Variants in XPO6 observed in about 807,000 individuals in gnomAD.
The protein encoded by XPO6 is exportin-6.
Under a neutral mutation model 130.0 loss-of-function variants are expected in XPO6, and 3 were observed. That is an observed-to-expected ratio of 0.02 (90% CI 0.01 to 0.06). The LOEUF (loss-of-function observed/expected upper bound fraction) is 0.06. Ranked by LOEUF, XPO6 falls within the 10% of genes least tolerant of loss-of-function variation. XPO6 has a pLI of 1.00. For missense variants in XPO6, 970 were observed against 1,393.0 expected (o/e 0.70, Z 4.83); for synonymous variants, 524 against 548.9 (o/e 0.95, Z 0.63).
chr16:28,160,964 A>G (rs955713523), intron 6 of XPO6, among the ~76,000 whole-genome samples: 5 of 152,210 alleles, frequency 3.3e-5, no homozygotes, highest in African/African-American at 9.6e-5. Context: ...TGGCTGGTTT[A>G]AAAGATAACT....
chr16:28,132,251 G>T lies in XPO6; in HGVS notation c.1606+83C>A. The T allele has an allele frequency of 9.4e-7, 1 of 1,067,026 alleles. No homozygotes were observed. Among genetic ancestry groups the T allele is most frequent in the South Asian group, 1.4e-5 (1 of 69,942 alleles). The allele number at this position is 1,067,026 out of a possible 1,614,324, so 66.1% of individuals were successfully genotyped here. ...GGCTGCAGTGAAGAAATCATGTTCCGACAGCAACGGCAGCAGTAATGAAAT... is the reference window on the plus strand; with the variant it reads ...GGCTGCAGTGAAGAAATCATGTTCCTACAGCAACGGCAGCAGTAATGAAAT... On this transcript the variant is annotated intron_variant, in intron 12 of 23. Transcript: ENST00000304658. The surrounding 1 kb of genome is among the most constrained non-coding windows in gnomAD (Gnocchi z 4.0).
intron 4 of XPO6, among the ~76,000 whole-genome samples, chr16:28,175,018 A>T (rs1394071069): frequency 6.6e-6 from 1 of 152,190 alleles, no homozygotes; most frequent in Admixed American, 6.5e-5. Flanking sequence ...GAAGGAACAC[A>T]CAAATTTTAA....
chr16:28,150,235 G>C (rs908743033), intron 8 of XPO6, among the ~76,000 whole-genome samples: 10 of 152,308 alleles, frequency 6.6e-5, no homozygotes, highest in African/African-American at 2.4e-4. Context: ...CCTCATACAG[G>C]AGACAGGAGA....
chr16:28,130,445 G>A (rs899385706), intron 12 of XPO6, among the ~76,000 whole-genome samples: 1 of 152,216 alleles, frequency 6.6e-6, no homozygotes, highest in Non-Finnish European at 1.5e-5. Flanking sequence ...GTTATTTGAG[G>A]GGGTAAATGG....
At chr16:28,108,403 G>GCCATGGCACATAGTCTATGTGCC (rs2141241330) in intron 17 of XPO6, among the ~76,000 whole-genome samples, 1 of 152,306 alleles carries the variant, frequency 6.6e-6, no homozygotes, top group South Asian at 2.1e-4. Context: ...GTGACCATCT[G>GCCATGGCACATAGTCTATGTGCC]AAGGCTATGT....
intron 9 of XPO6, among the ~76,000 whole-genome samples, chr16:28,145,130 T>G (rs1275052491): frequency 6.6e-6 from 1 of 152,148 alleles, no homozygotes; most frequent in African/African-American, 2.4e-5. Context: ...AATATACAAA[T>G]TACACGAATC....
intron 6 of XPO6, among the ~76,000 whole-genome samples, chr16:28,162,998 A>G (rs1320954995): frequency 3.3e-5 from 5 of 152,126 alleles, no homozygotes; most frequent in Non-Finnish European, 7.4e-5. Flanking sequence ...TCTGCTGTGT[A>G]CCGCGGGGTG....
At chr16:28,130,724 G>C (rs1371869574) in intron 12 of XPO6, among the ~76,000 whole-genome samples, 7 of 152,178 alleles carry the variant, frequency 4.6e-5, no homozygotes, top group Non-Finnish European at 8.8e-5. Context: ...TTTAGTGAAA[G>C]CAAGTATGCG....
At chr16:28,107,208 A>C (rs1272206531) in intron 18 of XPO6, among the ~76,000 whole-genome samples, 1 of 152,232 alleles carries the variant, frequency 6.6e-6, no homozygotes, top group Non-Finnish European at 1.5e-5. Flanking sequence ...TGACAGTGAC[A>C]GACAAGGGTG....
intron 17 of XPO6, among the ~76,000 whole-genome samples, chr16:28,110,953 T>C (rs1410843815): frequency 6.6e-6 from 1 of 152,238 alleles, no homozygotes. Flanking sequence ...ATGAAGCATA[T>C]TTTAAAATAG....
At position 28,121,660 on chromosome 16, in the gene XPO6, C is replaced by CT. The variant is rs1567603341; in HGVS notation, c.1859+9dup. 1 of 1,594,112 alleles carries CT rather than the reference C, an allele frequency of 6.3e-7. No homozygotes were observed. Among genetic ancestry groups the CT allele is most frequent in the South Asian group, 1.1e-5 (1 of 90,644 alleles). ...CCTAAAAATGCACAAACATCAAACT[C>CT]TAGACTTACACATCAATGAGGTCAG... On this transcript the variant is annotated intron_variant, in intron 14 of 23. Transcript: ENST00000304658.
rs76272164 is a variant in XPO6 at position 28,111,007 on chromosome 16, C to T, written c.2341+810G>A. ...GAAGCATGGTTAAAATGGTTACTTT[C>T]TAAAATATTAAAACTGGTCAGATTT... On this transcript the variant is annotated intron_variant, in intron 17 of 23. Coordinates refer to ENST00000304658, the MANE Select transcript of XPO6 (RefSeq NM_015171.4). Among the ~76,000 whole-genome samples, 88 of 152,254 alleles carry T rather than the reference C, an allele frequency of 5.8e-4. 1 individual carries two copies. The East Asian group carries it at 0.016, about 28-fold the overall frequency.
intron 10 of XPO6, among the ~76,000 whole-genome samples, chr16:28,134,296 GA>G (rs2042732648): frequency 6.6e-6 from 1 of 152,208 alleles, no homozygotes; most frequent in African/African-American, 2.4e-5. Flanking sequence ...GTGCCACTCA[GA>G]ATGGGGTCCA....
At chr16:28,194,239 G>A (rs1354586620) in intron 1 of XPO6, among the ~76,000 whole-genome samples, 2 of 151,512 alleles carry the variant, frequency 1.3e-5, no homozygotes, top group African/African-American at 2.4e-5. Context: ...TAAAAAAAAA[G>A]GAACAAAATA....
In XPO6 at chr16:28,133,838, T is replaced by C; in HGVS notation, c.1536+3A>G. Reference sequence around the variant, plus strand: ...CTCTCCACTCCCCCGGACAGCACATTACCAGTGTGGAGAAGGCGTGCGTGG... The same window carrying C: ...CTCTCCACTCCCCCGGACAGCACATCACCAGTGTGGAGAAGGCGTGCGTGG... On this transcript the variant is annotated splice_donor_region_variant and intron_variant, in intron 11 of 23. Transcript: ENST00000304658. 1 of 1,613,940 alleles carries C rather than the reference T, an allele frequency of 6.2e-7. No individual in the cohort carries two copies. Among genetic ancestry groups the C allele is most frequent in the Middle Eastern group, 1.7e-4 (1 of 6,060 alleles).
At chr16:28,147,077 A>G (rs1430630739) in intron 8 of XPO6, among the ~76,000 whole-genome samples, 1 of 152,226 alleles carries the variant, frequency 6.6e-6, no homozygotes, top group East Asian at 1.9e-4. Flanking sequence ...ACTGGACCAC[A>G]TATTTGGTGA....
At chr16:28,158,378 T>C (rs557273692) in intron 6 of XPO6, among the ~76,000 whole-genome samples, 1 of 152,344 alleles carries the variant, frequency 6.6e-6, no homozygotes, top group East Asian at 1.9e-4. Flanking sequence ...ACAGATGAAA[T>C]GCAGAAGCTG....
intron 6 of XPO6, among the ~76,000 whole-genome samples, chr16:28,166,038 C>T (rs900598106): frequency 4.0e-5 from 6 of 151,540 alleles, no homozygotes; most frequent in African/African-American, 9.8e-5. Context: ...TGATTCAATG[C>T]TAACTACTGC....
chr16:28,136,204 GTGTTT>G lies in XPO6; in HGVS notation c.1335-885_1335-881del, dbSNP rs148637340. Among the ~76,000 whole-genome samples the G allele has an allele frequency of 6.4e-4, 97 of 151,922 alleles. No homozygotes were observed. In the South Asian group the frequency reaches 0.013, roughly 21 times the overall value. On this transcript the variant is annotated intron_variant, in intron 9 of 23. Transcript: ENST00000304658. ...TCGCTACACATAAATCACCAATGAA[GTGTTT>G]TGTTTTGTTTTGTTTTGTTTTTGTT... is the stretch of plus-strand genomic sequence containing the variant.
Sources: gnomAD v4.1 joint callset for allele counts (sites outside exome capture counted in the v4.1 genomes callset) on GRCh38, gnomAD v4.1.1 for gene constraint, Gnocchi (gnomAD v3.1) non-coding constraint, MANE v1.5 for transcripts, NCBI Gene and HGNC (gene_info 2026-07-23, HGNC 2026-07-21) for gene names.